The following HDAC8 variants were observed in gnomAD, a reference collection of about 807,000 sequenced individuals.
HDAC8 encodes the protein histone deacetylase 8.
HDAC8 carries 1 observed loss-of-function variant against 32.2 expected under a neutral mutation model. The ratio of observed to expected loss-of-function variants is 0.03; its 90% confidence interval spans 0.01 to 0.15. HDAC8 has a LOEUF of 0.15. Among genes scored for constraint, HDAC8 ranks in the 10% least tolerant of loss-of-function variants. The pLI is 1.00. For missense variants in HDAC8, 117 were observed against 300.0 expected (o/e 0.39, Z 4.51); for synonymous variants, 108 against 113.9 (o/e 0.95, Z 0.33).
intron 4 of HDAC8, among the ~76,000 whole-genome samples, chrX:72,515,579 A>C (rs1355524675): frequency 3.1e-4 from 5 of 16,061 alleles, no homozygotes; most frequent in Non-Finnish European, 5.1e-4. Context: ...AGGATCTTTC[A>C]GTGTGTGTGG....
chrX:72,567,683 C>G, intron 4 of HDAC8: 1 of 1,150,377 alleles, frequency 8.7e-7, no homozygotes, highest in Non-Finnish European at 1.2e-6. Flanking sequence ...GGTGTAGAGC[C>G]CAGGTGTCCT....
At position 72,343,480 on chromosome X, in the gene HDAC8, A is replaced by C. The variant is rs185046477; in HGVS notation, c.1111+8253T>G. 2.8e-3 allele frequency among the ~76,000 whole-genome samples: 303 copies of C among 109,902 alleles called. 2 individuals carry two copies. Among genetic ancestry groups the C allele is most frequent in the African/African-American group, 9.6e-3 (289 of 30,191 alleles). ...GAGCTACCATGCCCGGCCGAACTCA[A>C]ATTTTGTAAATCTCCTTCCCTCATT... On this transcript the variant is annotated intron_variant, in intron 10 of 10. Coordinates refer to ENST00000373573, the MANE Select transcript of HDAC8 (RefSeq NM_018486.3).
At chrX:72,388,869 G>C (rs1324907175) in intron 9 of HDAC8, among the ~76,000 whole-genome samples, 4 of 111,862 alleles carry the variant, frequency 3.6e-5, no homozygotes, top group African/African-American at 1.3e-4. Context: ...GCCATGAGGT[G>C]CACCTTCACA....
At position 72,332,245 on chromosome X, in the gene HDAC8, A is replaced by C. The variant is rs1250329557; in HGVS notation, c.1112-2169T>G. 1.8e-5 allele frequency among the ~76,000 whole-genome samples: 2 copies of C among 112,772 alleles called. 1 individual carries two copies. Among genetic ancestry groups the C allele is most frequent in the Admixed American group, 1.9e-4 (2 of 10,666 alleles). On this transcript the variant is annotated intron_variant, in intron 10 of 10. Transcript: ENST00000373573. Reference sequence around the variant, plus strand: ...TAGAATCAAGCCACTATGAACATTCACATACAGGTTTTTGTGTGAACATAG... The same window carrying C: ...TAGAATCAAGCCACTATGAACATTCCCATACAGGTTTTTGTGTGAACATAG...
At chrX:72,387,346 A>T (rs1670088947) in intron 9 of HDAC8, among the ~76,000 whole-genome samples, 1 of 112,248 alleles carries the variant, frequency 8.9e-6, no homozygotes, top group Admixed American at 9.4e-5. Context: ...TAAGGAGTTT[A>T]GTAGCAGGAG....
chrX:72,503,885 A>G (rs1175584910), intron 4 of HDAC8, among the ~76,000 whole-genome samples: 2 of 112,304 alleles, frequency 1.8e-5, no homozygotes, highest in African/African-American at 6.5e-5. Context: ...CAGGGTTCTC[A>G]GCCTTACAAC....
At chrX:72,422,988 A>C (rs1555974239) in intron 9 of HDAC8, among the ~76,000 whole-genome samples, 1 of 111,770 alleles carries the variant, frequency 8.9e-6, no homozygotes, top group African/African-American at 3.3e-5. Flanking sequence ...TGGATGATGA[A>C]ATAATCTGTA....
At chrX:72,506,904 T>C (rs1336001138) in intron 4 of HDAC8, among the ~76,000 whole-genome samples, 2 of 111,164 alleles carry the variant, frequency 1.8e-5, no homozygotes, top group African/African-American at 6.6e-5. Context: ...CAGGGTGGAA[T>C]GCAGCAGCAT....
chrX:72,531,519 A>C (rs1556035848), intron 4 of HDAC8, among the ~76,000 whole-genome samples: 3 of 112,003 alleles, frequency 2.7e-5, no homozygotes, highest in African/African-American at 9.7e-5. Context: ...CTTCTTCTTT[A>C]AAAAGAAAAC....
At chrX:72,379,490 GTTTTTTTTTTT>G (rs1191306787) in intron 9 of HDAC8, among the ~76,000 whole-genome samples, 3 of 38,887 alleles carry the variant, frequency 7.7e-5, no homozygotes, top group Admixed American at 7.8e-4. Context: ...TTTGTTTAGT[GTTTTTTTTTTT>G]TTTTTTTTTT....
At chrX:72,467,039 A>C (rs782361148) in intron 7 of HDAC8, 1 of 111,683 alleles carries the variant, frequency 9.0e-6, no homozygotes, top group East Asian at 2.8e-4. Flanking sequence ...AGAATAGATT[A>C]GTTGGTTGCC....
chrX:72,430,217 G>A (rs1602793088), intron 9 of HDAC8, among the ~76,000 whole-genome samples: 1 of 111,310 alleles, frequency 9.0e-6, no homozygotes, highest in African/African-American at 3.3e-5. Flanking sequence ...CGTAGGCTCC[G>A]GATTTTACCT....
chrX:72,469,364 C>T (rs1306115729), intron 7 of HDAC8, among the ~76,000 whole-genome samples: 1 of 111,216 alleles, frequency 9.0e-6, no homozygotes, highest in Non-Finnish European at 1.9e-5. Context: ...TTTTTTGTTG[C>T]CCAGCCTAGA....
intron 10 of HDAC8, among the ~76,000 whole-genome samples, chrX:72,336,874 T>C (rs2043708305): frequency 9.0e-6 from 1 of 111,316 alleles, no homozygotes; most frequent in African/African-American, 3.3e-5. Flanking sequence ...CTCAGCCTCC[T>C]GAGCAGCTGG....
At chrX:72,393,538 C>T (rs367986008) in intron 9 of HDAC8, among the ~76,000 whole-genome samples, 2 of 111,920 alleles carry the variant, frequency 1.8e-5, no homozygotes, top group Non-Finnish European at 3.8e-5. Flanking sequence ...AGATAGGTCT[C>T]GCTACGTCCC....
intron 9 of HDAC8, among the ~76,000 whole-genome samples, chrX:72,429,428 G>A (rs781957313): frequency 8.9e-6 from 1 of 111,919 alleles, no homozygotes; most frequent in Non-Finnish European, 1.9e-5. Flanking sequence ...ACTTGACGAG[G>A]TATTAGGCCT....
chrX:72,561,365 C>G (rs1250511267), intron 4 of HDAC8, among the ~76,000 whole-genome samples: 1 of 112,167 alleles, frequency 8.9e-6, no homozygotes, highest in African/African-American at 3.2e-5. Context: ...AATAGAGAAG[C>G]TGGAAATAAA....
chrX:72,348,038 G>A (rs1159343906), intron 10 of HDAC8, among the ~76,000 whole-genome samples: 3 of 111,921 alleles, frequency 2.7e-5, no homozygotes, highest in South Asian at 3.8e-4. Context: ...TGTAGCATGC[G>A]GAACACATCT....
At chrX:72,535,600 C>T (rs1308344116) in intron 4 of HDAC8, among the ~76,000 whole-genome samples, 1 of 110,970 alleles carries the variant, frequency 9.0e-6, no homozygotes, top group African/African-American at 3.3e-5. Context: ...TTGTGAAATA[C>T]CTATATTGTA....
Sources: gnomAD v4.1 joint callset for allele counts (sites outside exome capture counted in the v4.1 genomes callset) on GRCh38, gnomAD v4.1.1 for gene constraint, MANE v1.5 for transcripts, NCBI Gene and HGNC (gene_info 2026-07-23, HGNC 2026-07-21) for gene names.